Variants in CAAP1 observed in about 807,000 individuals in gnomAD.
The protein encoded by CAAP1 is conserved anti-apoptotic protein.
Under a neutral mutation model 34.0 loss-of-function variants are expected in CAAP1, and 20 were observed. The ratio of observed to expected loss-of-function variants is 0.59; its 90% CI spans 0.41 to 0.86. The LOEUF is 0.86. CAAP1 is among the 40% of genes least tolerant of loss of function. The pLI is 0.00. For missense variants in CAAP1, 538 were observed against 450.5 expected (o/e 1.19, Z -1.76); for synonymous variants, 213 against 166.7 (o/e 1.28, Z -2.14).
intron 4 of CAAP1, among the ~76,000 whole-genome samples, chr9:26,867,743 CTTA>C (rs1387243512): frequency 6.6e-6 from 1 of 152,090 alleles, no homozygotes; most frequent in African/African-American, 2.4e-5. Flanking sequence ...GCTGCTAGAT[CTTA>C]TTAATATGTC....
chr9:26,878,477 C>T (rs958329430), intron 4 of CAAP1, among the ~76,000 whole-genome samples: 8 of 152,172 alleles, frequency 5.3e-5, no homozygotes, highest in African/African-American at 1.9e-4. Flanking sequence ...TATCTACTCC[C>T]CAGTTTTTTC....
intron 1 of CAAP1, among the ~76,000 whole-genome samples, chr9:26,891,328 A>AT (rs1395477883): frequency 2.6e-5 from 4 of 152,194 alleles, no homozygotes; most frequent in South Asian, 4.1e-4. Context: ...TAGTCTGGCA[A>AT]TTTTTTTAAA....
intron 5 of CAAP1, among the ~76,000 whole-genome samples, chr9:26,846,617 GCT>G (rs141394676): frequency 3.2e-3 from 485 of 150,976 alleles, no homozygotes; most frequent in Non-Finnish European, 5.4e-3. Context: ...TTCTTTTAAC[GCT>G]TTTTACAGTT....
intron 1 of CAAP1, among the ~76,000 whole-genome samples, chr9:26,890,452 G>A (rs1417861816): frequency 1.3e-5 from 2 of 151,482 alleles, no homozygotes; most frequent in African/African-American, 4.9e-5. Flanking sequence ...TGGGAAAACT[G>A]AATAGATCTA....
intron 5 of CAAP1, among the ~76,000 whole-genome samples, chr9:26,860,455 C>T (rs2131309301): frequency 6.6e-6 from 1 of 152,226 alleles, no homozygotes; most frequent in South Asian, 2.1e-4. Flanking sequence ...CCCAAAGCTA[C>T]CCAGTTAACA....
At chr9:26,892,331 C>T (rs755545179) in intron 1 of CAAP1, 82 bp downstream of exon 1, 3 of 1,561,970 alleles carry the variant, frequency 1.9e-6, no homozygotes, top group South Asian at 1.2e-5. Flanking sequence ...TGAGCTCCAG[C>T]CTGCGCCCCA....
At chr9:26,844,345 G>A (rs773138577) in intron 5 of CAAP1, among the ~76,000 whole-genome samples, 3 of 151,688 alleles carry the variant, frequency 2.0e-5, no homozygotes, top group Non-Finnish European at 4.4e-5. Context: ...CAATAAGGGT[G>A]AAACTCCGTC....
chr9:26,844,842 G>T (rs559338669), intron 5 of CAAP1, among the ~76,000 whole-genome samples: 1 of 152,244 alleles, frequency 6.6e-6, no homozygotes, highest in African/African-American at 2.4e-5. Context: ...CAACTTTCAG[G>T]AACTTTTTTT....
At chr9:26,887,697 C>T (rs958956176) in intron 1 of CAAP1, among the ~76,000 whole-genome samples, 184 bp from the exon 2 acceptor site, 2 of 152,022 alleles carry the variant, frequency 1.3e-5, no homozygotes, top group South Asian at 4.1e-4. Flanking sequence ...TTTTTCTCTC[C>T]ACACTGCAAT....
chr9:26,869,788 T>G (rs1417515165), intron 4 of CAAP1: 1 of 209,150 alleles, frequency 4.8e-6, no homozygotes, highest in Non-Finnish European at 8.3e-6. Context: ...TAACAACCAA[T>G]TTAGGACACT....
chr9:26,866,925 G>T (rs12349047), intron 4 of CAAP1, among the ~76,000 whole-genome samples: 3,107 of 152,248 alleles, frequency 0.02, 105 homozygotes, highest in African/African-American at 0.071. Flanking sequence ...CTGGGCCACA[G>T]ATCGGTACCA....
chr9:26,891,426 A>G (rs1393438695), intron 1 of CAAP1, among the ~76,000 whole-genome samples: 2 of 152,144 alleles, frequency 1.3e-5, no homozygotes, highest in Non-Finnish European at 2.9e-5. Flanking sequence ...ATAAATCTGT[A>G]AAGTCTCATT....
chr9:26,846,812 C>CA (rs775938892), intron 5 of CAAP1, among the ~76,000 whole-genome samples: 1 of 152,026 alleles, frequency 6.6e-6, no homozygotes, highest in South Asian at 2.1e-4. Flanking sequence ...CTCAGCCTCC[C>CA]AAGTAGCTGG....
At chr9:26,855,058 T>G (rs557804468) in intron 5 of CAAP1, among the ~76,000 whole-genome samples, 1 of 152,392 alleles carries the variant, frequency 6.6e-6, no homozygotes, top group Admixed American at 6.5e-5. Context: ...CACACTATTT[T>G]ATCCATAATT....
chr9:26,878,689 G>A lies in CAAP1; in HGVS notation c.665+6121C>T, dbSNP rs113245208. Reference sequence around the variant, plus strand: ...ACTTTGGCCAGGCATGGTGGCTTAAGCCTCTAGTCCCAGCAGTTTGGGAAG... The same window carrying A: ...ACTTTGGCCAGGCATGGTGGCTTAAACCTCTAGTCCCAGCAGTTTGGGAAG... On this transcript the variant is annotated intron_variant, in intron 4 of 5. Coordinates refer to ENST00000333916, the MANE Select transcript of CAAP1 (RefSeq NM_024828.4). Among the ~76,000 whole-genome samples the A allele has an allele frequency of 3.3e-3, 508 of 152,212 alleles. 2 individuals are homozygous for A. Among genetic ancestry groups the A allele is most frequent in the Middle Eastern group, 6.8e-3 (2 of 294 alleles).
intron 4 of CAAP1, among the ~76,000 whole-genome samples, chr9:26,883,082 G>C (rs1823637326): frequency 6.6e-6 from 1 of 152,108 alleles, no homozygotes; most frequent in African/African-American, 2.4e-5. Flanking sequence ...ATGAGCCTTT[G>C]GACTGTAGAC....
Position 26,841,952 on chromosome 9 carries a change from C to G in CAAP1, c.*349G>C, listed in dbSNP as rs1475979119. On this transcript the variant is annotated 3_prime_UTR_variant, in exon 6 of 6. Coordinates refer to ENST00000333916, the MANE Select transcript of CAAP1 (RefSeq NM_024828.4). ...CTTAAGAGAAACATGCTTCGTCAATCTTTTGCTTTTAGGTTTGGTGCCCAA... is the reference window on the plus strand; with the variant it reads ...CTTAAGAGAAACATGCTTCGTCAATGTTTTGCTTTTAGGTTTGGTGCCCAA... 1 of 168,946 alleles carries G rather than the reference C, an allele frequency of 5.9e-6. No homozygotes were observed. The highest frequency in any genetic ancestry group is 1.7e-4 in the East Asian group (1 of 5,988). 10.5% of individuals were successfully genotyped at this position (168,946 alleles called of 1,614,324 possible). A position where few individuals can be genotyped will look rare whatever the true frequency, so the allele number is the denominator to read the frequency against.
intron 4 of CAAP1, among the ~76,000 whole-genome samples, chr9:26,879,793 T>C (rs1410397788): frequency 6.6e-6 from 1 of 152,186 alleles, no homozygotes; most frequent in Non-Finnish European, 1.5e-5. Context: ...TATGCCAGTG[T>C]TTGCCAGGGG....
chr9:26,871,969 A>T (rs1223475178), intron 4 of CAAP1, among the ~76,000 whole-genome samples: 1 of 152,156 alleles, frequency 6.6e-6, no homozygotes, highest in Non-Finnish European at 1.5e-5. Flanking sequence ...TGCAGCTGCT[A>T]ATCTCTGGCT....
Sources: allele counts gnomAD v4.1 joint callset (sites outside exome capture counted in the v4.1 genomes callset), GRCh38; gene constraint gnomAD v4.1.1; transcripts MANE v1.5; gene names NCBI Gene and HGNC (gene_info 2026-07-23, HGNC 2026-07-21).